Variants in DCDC1 observed in about 807,000 individuals in gnomAD.
DCDC1 encodes the protein doublecortin domain-containing protein 1.
In DCDC1, 200 loss-of-function variants were observed where a neutral mutation model predicts 178.3. That is an observed-to-expected ratio of 1.12 (90% CI 1.00 to 1.26). DCDC1 has a LOEUF of 1.26. Ranked by LOEUF, DCDC1 falls within the 50% of genes most tolerant of loss-of-function variation. The probability of loss-of-function intolerance (pLI) is 0.00; values close to 1 mark genes in which losing one functional copy is unlikely to be tolerated. For missense variants in DCDC1, 1,983 were observed against 1,749.2 expected, an observed-to-expected ratio of 1.13 and a Z score of -2.38; for synonymous variants, 690 against 604.8, an observed-to-expected ratio of 1.14 and a Z score of -2.07.
chr11:31,323,001 T>G (rs1949450497), intron 3 of DCDC1, among the ~76,000 whole-genome samples: 1 of 152,370 alleles, frequency 6.6e-6, no homozygotes, highest in South Asian at 2.1e-4. Flanking sequence ...AATGTTGAAT[T>G]AATTTCAAAA....
At chr11:31,163,397 C>CA (rs1565370325) in intron 9 of DCDC1, among the ~76,000 whole-genome samples, 2 of 152,004 alleles carry the variant, frequency 1.3e-5, no homozygotes, top group Non-Finnish European at 2.9e-5. Context: ...TGTCTTATAT[C>CA]AAAAAAATGA....
At chr11:31,306,496 C>A in intron 4 of DCDC1, 108 bp from the exon 5 acceptor site, 2 of 1,221,410 alleles carry the variant, frequency 1.6e-6, no homozygotes, top group South Asian at 2.2e-5. Flanking sequence ...AAAGATTGTT[C>A]CTATGTATAT....
At position 31,123,300 on chromosome 11, in the gene DCDC1, C is replaced by G. The variant is rs74961819; in HGVS notation, c.1485+4169G>C. Among the ~76,000 whole-genome samples the G allele has an allele frequency of 7.2e-5, 11 of 152,136 alleles. No homozygotes were observed. In the East Asian group the frequency reaches 2.1e-3, roughly 29 times the overall value. ...ACTATTATATAGTGTTTACACTAAA[C>G]AAACACAATAGGTCTAAATAACTTC... On this transcript the variant is annotated intron_variant, in intron 11 of 38. Coordinates refer to ENST00000684477, the MANE Select transcript of DCDC1 (RefSeq NM_001387274.1).
intron 1 of DCDC1, among the ~76,000 whole-genome samples, chr11:31,368,691 TA>T (rs1318895174): frequency 4.6e-5 from 7 of 152,338 alleles, no homozygotes; most frequent in African/African-American, 1.7e-4. Flanking sequence ...TGCTTAAGTT[TA>T]TCTTGACTGC....
In DCDC1 at chr11:30,933,948, A is replaced by C. The variant is rs896771685; in HGVS notation, c.2716-1996T>G. On this transcript the variant is annotated intron_variant, in intron 21 of 38. Coordinates refer to ENST00000684477, the MANE Select transcript of DCDC1 (RefSeq NM_001387274.1). ...TGCCATCTGGGGCAGTATTGTTAGG[A>C]ATGAAAGTACAACATTTTCCACCCA... Among the ~76,000 whole-genome samples the C allele has an allele frequency of 2.0e-5, 3 of 152,146 alleles. No homozygotes were observed. The East Asian group carries it at 5.8e-4, about 29-fold the overall frequency.
intron 7 of DCDC1, among the ~76,000 whole-genome samples, chr11:31,284,988 T>G (rs1253366648): frequency 6.6e-6 from 1 of 152,178 alleles, no homozygotes; most frequent in African/African-American, 2.4e-5. Context: ...TATCCTTAAC[T>G]ACCATCAGTA....
chr11:31,021,048 C>T (rs1952842588), intron 20 of DCDC1, among the ~76,000 whole-genome samples: 1 of 152,080 alleles, frequency 6.6e-6, no homozygotes, highest in Non-Finnish European at 1.5e-5. Context: ...TTTAATCTTG[C>T]CAATTGGCAA....
intron 9 of DCDC1, among the ~76,000 whole-genome samples, chr11:31,158,318 C>T (rs555010541): frequency 8.7e-4 from 132 of 151,754 alleles, no homozygotes; most frequent in African/African-American, 3.1e-3. Context: ...GGGGTTTCAC[C>T]ATGTTAGCCA....
intron 20 of DCDC1, among the ~76,000 whole-genome samples, chr11:31,041,822 C>A (rs551536810): frequency 1.3e-5 from 2 of 152,176 alleles, no homozygotes; most frequent in African/African-American, 4.8e-5. Context: ...CTCTAGATGA[C>A]CTTTATGGAG....
intron 3 of DCDC1, among the ~76,000 whole-genome samples, chr11:31,321,772 G>T (rs934748459): frequency 6.6e-6 from 1 of 152,070 alleles, no homozygotes; most frequent in African/African-American, 2.4e-5. Flanking sequence ...AATAAATGTT[G>T]ATCTCAACTC....
chr11:31,018,513 T>A (rs1261882298), intron 20 of DCDC1, among the ~76,000 whole-genome samples: 1 of 152,200 alleles, frequency 6.6e-6, no homozygotes, highest in Non-Finnish European at 1.5e-5. Context: ...CAACCCTGTG[T>A]GTTATTCATC....
intron 9 of DCDC1, among the ~76,000 whole-genome samples, chr11:31,208,290 G>C (rs1006233837): frequency 3.9e-5 from 6 of 152,056 alleles, no homozygotes; most frequent in African/African-American, 1.4e-4. Context: ...CAATGTTTTT[G>C]GCTCAGGCTA....
chr11:31,294,798 A>AAAATAAAGAAAGAAAGAAAG (rs1555168148), intron 6 of DCDC1, among the ~76,000 whole-genome samples: 1 of 125,232 alleles, frequency 8.0e-6, no homozygotes, highest in Non-Finnish European at 1.7e-5. Flanking sequence ...AAAATAAAGA[A>AAAATAAAGAAAGAAAGAAAG]AAAGAAAGAA....
chr11:31,115,636 T>C (rs1391655797), intron 11 of DCDC1, among the ~76,000 whole-genome samples: 1 of 152,070 alleles, frequency 6.6e-6, no homozygotes, highest in Non-Finnish European at 1.5e-5. Context: ...ATAATGAACA[T>C]ACAAGGTTAA....
chr11:31,356,991 C>T (rs1314255602), intron 1 of DCDC1, among the ~76,000 whole-genome samples: 3 of 151,708 alleles, frequency 2.0e-5, no homozygotes, highest in African/African-American at 7.2e-5. Flanking sequence ...GATTCACAGC[C>T]GAATTCTACC....
At chr11:30,914,733 C>A (rs1248118751) in intron 27 of DCDC1, among the ~76,000 whole-genome samples, 1 of 151,632 alleles carries the variant, frequency 6.6e-6, no homozygotes, top group African/African-American at 2.4e-5. Flanking sequence ...TTCATCCATT[C>A]CCCTCAACTT....
chr11:31,020,099 G>A (rs1005403161), intron 20 of DCDC1, among the ~76,000 whole-genome samples: 2 of 152,164 alleles, frequency 1.3e-5, no homozygotes. Flanking sequence ...CCAGGTTGCT[G>A]TTGTCTGTTA....
chr11:30,878,656 C>G lies in DCDC1; in HGVS notation c.5289G>C (p.Gln1763His). The stretch of plus-strand genomic sequence containing the variant: ...CCACAATGTCTGTGGCTTGAGGGCC[C>G]TGCTGCCTTCGGATTCTGGCATAAT... The part of the protein sequence containing the change: ...RANYARIRRQ[Q>H]GPQATDIVVS... The change falls in exon 38 of 39, where the codon CAG (glutamine) becomes CAC (histidine). Residue 1763 changes from glutamine to histidine, a missense_variant. Physicochemically the swap from Gln to His is conservative, Grantham distance 24 (BLOSUM62 0). Transcript: ENST00000684477. 1 of 1,610,988 alleles carries G rather than the reference C, an allele frequency of 6.2e-7. No individual in the cohort carries two copies. Among genetic ancestry groups the G allele is most frequent in the Non-Finnish European group, 8.5e-7 (1 of 1,178,608 alleles).
intron 29 of DCDC1, among the ~76,000 whole-genome samples, chr11:30,908,296 A>G (rs992804688): frequency 3.9e-5 from 6 of 152,190 alleles, no homozygotes; most frequent in African/African-American, 7.2e-5. Flanking sequence ...GGATGGGGAA[A>G]TAAGTCAAAG....
Sources: allele counts gnomAD v4.1 joint callset (sites outside exome capture counted in the v4.1 genomes callset), GRCh38; gene constraint gnomAD v4.1.1; transcripts MANE v1.5; gene names NCBI Gene and HGNC (gene_info 2026-07-23, HGNC 2026-07-21).